The following ANKRD28 variants were observed in gnomAD, a reference collection of about 807,000 sequenced individuals.
The protein encoded by ANKRD28 is ankyrin repeat domain 28.
Under a neutral mutation model 126.5 loss-of-function variants are expected in ANKRD28, and 44 were observed. The ratio of observed to expected loss-of-function variants is 0.35; its 90% confidence interval spans 0.27 to 0.45. The LOEUF (loss-of-function observed/expected upper bound fraction) is 0.45. ANKRD28 is among the 20% of genes least tolerant of loss of function. ANKRD28 has a pLI of 1.00. For missense variants in ANKRD28, 1,110 were observed against 1,316.6 expected, an observed-to-expected ratio of 0.84 and a Z score of 2.43; for synonymous variants, 442 against 468.5, an observed-to-expected ratio of 0.94 and a Z score of 0.73.
At chr3:15,788,012 G>A (rs759286238) in intron 2 of ANKRD28, among the ~76,000 whole-genome samples, 6 of 152,054 alleles carry the variant, frequency 3.9e-5, no homozygotes, top group African/African-American at 1.2e-4. Context: ...AAGATCTACC[G>A]CTTAGCTCTT....
In ANKRD28 at chr3:15,686,008, A is replaced by G. The variant is rs772036981; in HGVS notation, c.2163T>C (p.His721=). The G allele has an allele frequency of 6.2e-6, 10 of 1,613,100 alleles. No homozygotes were observed. The highest frequency in any genetic ancestry group is 8.5e-6 in the Non-Finnish European group (10 of 1,179,488). The change falls in exon 20 of 28, where the codon CAT becomes CAC. Residue 721 remains histidine (H), a synonymous_variant. Transcript: ENST00000683139. ...AGAGCATATTTCTGCTTACCCCTCT[A>G]TGCAACGCTGTCCTTCCCCACTTAT... ...AKDKWGRTAL[H]RGAVTGHEEC...
At chr3:15,755,315 G>C (rs2058095858) in intron 3 of ANKRD28, among the ~76,000 whole-genome samples, 1 of 152,120 alleles carries the variant, frequency 6.6e-6, no homozygotes, top group Non-Finnish European at 1.5e-5. Context: ...AATATAAACA[G>C]ATAAATATGA....
In ANKRD28 at chr3:15,830,502, T is replaced by A. The variant is rs890737217; in HGVS notation, c.27+28875A>T. Among the ~76,000 whole-genome samples the A allele has an allele frequency of 3.9e-5, 6 of 152,166 alleles. No homozygotes were observed. The highest frequency in any genetic ancestry group is 1.4e-4 in the African/African-American group (6 of 41,444). ...TTGCACATCTGAGGGATCTAGGTTATGTGCTTTTTACAACACTCTAACTAA... is the reference window on the plus strand; with the variant it reads ...TTGCACATCTGAGGGATCTAGGTTAAGTGCTTTTTACAACACTCTAACTAA... On this transcript the variant is annotated intron_variant, in intron 1 of 27. Coordinates refer to the ANKRD28 transcript ENST00000399451. This position sits in a 1 kb window ranked among gnomAD's most constrained non-coding sequence, Gnocchi z 4.5.
intron 9 of ANKRD28, 98 bp from the exon 10 acceptor site, chr3:15,713,739 TAATAGA>T (rs1410758804): frequency 3.1e-6 from 2 of 645,802 alleles, no homozygotes; most frequent in Non-Finnish European, 5.1e-6. Context: ...ACATACAAAC[TAATAGA>T]TACAGCAATT....
At chr3:15,729,938 G>T (rs1322156445) in intron 6 of ANKRD28, among the ~76,000 whole-genome samples, 1 of 152,178 alleles carries the variant, frequency 6.6e-6, no homozygotes, top group Non-Finnish European at 1.5e-5. Flanking sequence ...ACCTTGGCTG[G>T]AATGCAGTGG....
At chr3:15,749,095 G>GTTTTTTTGTTT (rs1357402514) in intron 4 of ANKRD28, among the ~76,000 whole-genome samples, 1 of 106,994 alleles carries the variant, frequency 9.3e-6, no homozygotes, top group East Asian at 3.3e-4. Context: ...TCTATATTAT[G>GTTTTTTTGTTT]TTTTTGTTTT....
intron 1 of ANKRD28, among the ~76,000 whole-genome samples, chr3:15,829,084 G>A (rs1276204164): frequency 2.0e-5 from 3 of 152,022 alleles, no homozygotes; most frequent in Non-Finnish European, 4.4e-5. Context: ...TTAAATTATT[G>A]AAGAGCCCAA....
intron 14 of ANKRD28, among the ~76,000 whole-genome samples, chr3:15,706,379 T>TG (rs71045181): frequency 1 from 152,188 of 152,190 alleles, 76,093 homozygotes; most frequent in Middle Eastern, 1. Flanking sequence ...CTCAGAATGA[T>TG]GTTTCCAGCT....
chr3:15,678,405 G>A (rs2067183299), intron 23 of ANKRD28, 51 bp from the exon 24 acceptor site: 1 of 1,506,130 alleles, frequency 6.6e-7, no homozygotes, highest in Non-Finnish European at 8.9e-7. Flanking sequence ...TGTTATATAT[G>A]CTGGAAAAAT....
At chr3:15,714,692 T>C (rs1450752410) in intron 8 of ANKRD28, 36 bp from the exon 9 acceptor site, 28 of 1,460,918 alleles carry the variant, frequency 1.9e-5, no homozygotes, top group Non-Finnish European at 2.5e-5. Context: ...CACTCTACTA[T>C]ATCCATAATG....
chr3:15,774,291 G>A (rs893274640), intron 2 of ANKRD28, among the ~76,000 whole-genome samples: 4 of 152,110 alleles, frequency 2.6e-5, no homozygotes, highest in African/African-American at 9.7e-5. Flanking sequence ...CTTTTGTACT[G>A]AGAAAGACAT....
chr3:15,758,917 T>A (rs2058311423), intron 3 of ANKRD28, among the ~76,000 whole-genome samples: 1 of 152,182 alleles, frequency 6.6e-6, no homozygotes, highest in Admixed American at 6.5e-5. Context: ...ATCGAATGAA[T>A]TTTTGACAAA....
intron 24 of ANKRD28, among the ~76,000 whole-genome samples, chr3:15,678,003 A>C (rs2067132776): frequency 6.6e-6 from 1 of 152,160 alleles, no homozygotes; most frequent in Non-Finnish European, 1.5e-5. Flanking sequence ...ACTATGTTAT[A>C]AGGCCATGGT....
intron 2 of ANKRD28, among the ~76,000 whole-genome samples, chr3:15,767,488 T>C (rs1157091304): frequency 6.6e-6 from 1 of 152,020 alleles, no homozygotes; most frequent in Non-Finnish European, 1.5e-5. Context: ...TCCCTTGAAG[T>C]TGTTGCTTGG....
Position 15,685,237 on chromosome 3 carries a change from G to A in ANKRD28, c.2378C>T (p.Ala793Val), listed in dbSNP as rs1485850660. 3 of 1,613,770 alleles carry A rather than the reference G, an allele frequency of 1.9e-6. No individual in the cohort carries two copies. The highest frequency in any genetic ancestry group is 2.5e-6 in the Non-Finnish European group (3 of 1,179,822). ...TTTGTATACTTAACCATTGTAGCAAGCCCAGTGAAGTGCCGTATATCCATG... is the reference window on the plus strand; with the variant it reads ...TTTGTATACTTAACCATTGTAGCAAACCCAGTGAAGTGCCGTATATCCATG... ...DNHGYTALHW[A>V]CYNGHETCVE... The change falls in exon 21 of 28, where the codon GCT (alanine) becomes GTT (valine). Residue 793 changes from alanine to valine, a missense_variant. Physicochemically the swap from Ala to Val is moderately conservative, Grantham distance 64. Transcript: ENST00000683139.
chr3:15,859,470 G>C (rs955710514), exon 1 of ANKRD28: 46 of 1,379,114 alleles, frequency 3.3e-5, no homozygotes, highest in Non-Finnish European at 4.2e-5. Flanking sequence ...CCGCCGACCG[G>C]CCCACTGCTC....
At chr3:15,718,181 G>A (rs139310179) in intron 8 of ANKRD28, among the ~76,000 whole-genome samples, 36 of 152,262 alleles carry the variant, frequency 2.4e-4, no homozygotes, top group Admixed American at 4.6e-4. Context: ...AGAGCTGGAA[G>A]GGATCTGAGA....
rs764576649 is a variant in ANKRD28, at chr3:15,854,484, G to A, written c.27+4893C>T. 3.9e-5 allele frequency among the ~76,000 whole-genome samples: 6 copies of A among 152,166 alleles called. No homozygotes were observed. Among genetic ancestry groups the A allele is most frequent in the Admixed American group, 6.5e-5 (1 of 15,288 alleles). ...TCTGATCCTTTAAATTCTGAAACAT[G>A]TTATCTGCACCTCTTACAGAGCTCA... On this transcript the variant is annotated intron_variant, in intron 1 of 27. Transcript: ENST00000399451. This position sits in a 1 kb window ranked among gnomAD's most constrained non-coding sequence, Gnocchi z 4.1.
intron 4 of ANKRD28, among the ~76,000 whole-genome samples, chr3:15,749,456 C>T (rs778844161): frequency 9.9e-5 from 15 of 152,168 alleles, no homozygotes; most frequent in Non-Finnish European, 1.9e-4. Flanking sequence ...CTGGTGTCTC[C>T]TTAATTAGCT....
Sources: allele counts gnomAD v4.1 joint callset (sites outside exome capture counted in the v4.1 genomes callset), GRCh38; gene constraint gnomAD v4.1.1; non-coding constraint Gnocchi (gnomAD v3.1); transcripts MANE v1.5; gene names NCBI Gene and HGNC (gene_info 2026-07-23, HGNC 2026-07-21).